Variants in MCTP1 observed in about 807,000 individuals in gnomAD.
The protein encoded by MCTP1 is multiple C2 and transmembrane domain-containing protein 1.
MCTP1 carries 69 observed loss-of-function variants against 120.6 expected under a neutral mutation model. The observed-to-expected ratio is 0.57, with a 90% CI of 0.47 to 0.70. The LOEUF is 0.70. Among genes scored for constraint, MCTP1 ranks in the 30% least tolerant of loss-of-function variants. The probability of loss-of-function intolerance (pLI) is 0.00; values close to 1 mark genes in which losing one functional copy is unlikely to be tolerated. For missense variants in MCTP1, 1,203 were observed against 1,248.8 expected (o/e 0.96, Z 0.55); for synonymous variants, 529 against 493.1 (o/e 1.07, Z -0.96).
At chr5:94,832,003 T>C (rs1309826411) in intron 17 of MCTP1, among the ~76,000 whole-genome samples, 2 of 152,194 alleles carry the variant, frequency 1.3e-5, no homozygotes, top group Non-Finnish European at 2.9e-5. Flanking sequence ...ACGGAATCCT[T>C]TACTGATCAA....
intron 1 of MCTP1, among the ~76,000 whole-genome samples, chr5:95,185,991 AAAACAAAC>A (rs778764193): frequency 5.3e-5 from 8 of 151,982 alleles, no homozygotes; most frequent in Non-Finnish European, 7.4e-5. Flanking sequence ...CTCCATCTCA[AAAACAAAC>A]AAACAAACAA....
intron 19 of MCTP1, among the ~76,000 whole-genome samples, chr5:94,725,410 C>T (rs1761908279): frequency 6.6e-6 from 1 of 152,172 alleles, no homozygotes; most frequent in Admixed American, 6.5e-5. Flanking sequence ...CTTGAGTGAG[C>T]TCAGAAACAC....
At chr5:95,065,574 G>GATT (rs1260861782) in intron 1 of MCTP1, among the ~76,000 whole-genome samples, 1 of 152,140 alleles carries the variant, frequency 6.6e-6, no homozygotes, top group African/African-American at 2.4e-5. Context: ...TTAATTTTAA[G>GATT]AAAATCTAGC....
intron 18 of MCTP1, 55 bp from the exon 19 acceptor site, chr5:94,779,218 C>G (rs376609421): frequency 1.4e-6 from 2 of 1,475,206 alleles, no homozygotes; most frequent in Non-Finnish European, 1.9e-6. Context: ...GAATTTTGTT[C>G]TGTCATTTTG....
chr5:94,987,937 A>G (rs1167187640), intron 2 of MCTP1, among the ~76,000 whole-genome samples: 1 of 152,146 alleles, frequency 6.6e-6, no homozygotes, highest in Non-Finnish European at 1.5e-5. Context: ...ATGTAATTAC[A>G]TCTCATCATC....
At position 94,705,062 on chromosome 5, in the gene MCTP1, G is replaced by A. The variant is rs1458600146; in HGVS notation, c.*2434C>T. ...ATTTACTCACTAAAAGATACTAAAG[G>A]AATATATTTAGTAGTTCACAATATC... is the stretch of plus-strand genomic sequence containing the variant. On this transcript the variant is annotated 3_prime_UTR_variant, in exon 23 of 23. Coordinates refer to ENST00000515393, the MANE Select transcript of MCTP1 (RefSeq NM_024717.7). The A allele has an allele frequency of 6.6e-6, 1 of 151,288 alleles. No homozygotes were observed. The highest frequency in any genetic ancestry group is 1.5e-5 in the Non-Finnish European group (1 of 67,582). 9.4% of individuals were successfully genotyped at this position (151,288 alleles called of 1,614,324 possible).
At chr5:95,012,720 A>C (rs1476321329) in intron 2 of MCTP1, among the ~76,000 whole-genome samples, 1 of 152,114 alleles carries the variant, frequency 6.6e-6, no homozygotes, top group Non-Finnish European at 1.5e-5. Context: ...CTGAGAAATT[A>C]ATCAGTGAAT....
At chr5:94,764,894 G>T (rs1389162864) in intron 19 of MCTP1, among the ~76,000 whole-genome samples, 1 of 149,110 alleles carries the variant, frequency 6.7e-6, no homozygotes, top group Non-Finnish European at 1.5e-5. Context: ...AGACCAAATG[G>T]ACCTAACAGA....
intron 17 of MCTP1, among the ~76,000 whole-genome samples, chr5:94,845,058 A>G (rs757758476): frequency 6.6e-6 from 1 of 152,248 alleles, no homozygotes; most frequent in South Asian, 2.1e-4. Context: ...ATGGTAGAAA[A>G]TATTTGCAAA....
intron 2 of MCTP1, among the ~76,000 whole-genome samples, chr5:94,997,936 A>T (rs1832933283): frequency 6.6e-6 from 1 of 152,184 alleles, no homozygotes; most frequent in Non-Finnish European, 1.5e-5. Flanking sequence ...ATACACACAT[A>T]CTGAGATAAC....
At chr5:94,900,473 C>T (rs971305835) in intron 10 of MCTP1, among the ~76,000 whole-genome samples, 5 of 152,242 alleles carry the variant, frequency 3.3e-5, no homozygotes, top group Non-Finnish European at 7.3e-5. Context: ...GTGTAATGTG[C>T]TCATTCTACC....
chr5:95,063,848 C>T (rs545914695), intron 1 of MCTP1, among the ~76,000 whole-genome samples: 1 of 152,138 alleles, frequency 6.6e-6, no homozygotes, highest in East Asian at 1.9e-4. Context: ...GAATATTTAC[C>T]CCTAGAGTCC....
rs148340198 is a variant in MCTP1, at chr5:94,746,776, A to G, written c.2611-31890T>C. On this transcript the variant is annotated intron_variant, in intron 19 of 22. Transcript: ENST00000515393. The stretch of plus-strand genomic sequence containing the variant: ...AAAACTTCAGTGGATCTCAATGCAC[A>G]TAAGAAACTGTCTACATTCCTTGCT... Among the ~76,000 whole-genome samples, 362 of 152,356 alleles carry G rather than the reference A, an allele frequency of 2.4e-3. 1 individual carries two copies. The highest frequency in any genetic ancestry group is 3.3e-3 in the Non-Finnish European group (224 of 68,038).
chr5:95,274,449 C>A (rs1759648183), intron 1 of MCTP1, among the ~76,000 whole-genome samples: 1 of 152,088 alleles, frequency 6.6e-6, no homozygotes, highest in Admixed American at 6.5e-5. Flanking sequence ...CCTGTGGGAC[C>A]CACCCCAACC....
chr5:94,788,854 C>T (rs1395262044), intron 18 of MCTP1: 1 of 152,106 alleles, frequency 6.6e-6, no homozygotes, highest in Non-Finnish European at 1.5e-5. Context: ...TGGTGAAGTC[C>T]TGGGGGCAGA....
At chr5:94,949,289 A>T (rs1208691767) in intron 3 of MCTP1, among the ~76,000 whole-genome samples, 1 of 152,152 alleles carries the variant, frequency 6.6e-6, no homozygotes, top group Non-Finnish European at 1.5e-5. Context: ...TGTCAAATTT[A>T]TCCTATTATC....
chr5:95,161,203 A>G (rs1208925964), intron 1 of MCTP1, among the ~76,000 whole-genome samples: 1 of 152,206 alleles, frequency 6.6e-6, no homozygotes, highest in East Asian at 1.9e-4. Context: ...GGTGTCCATC[A>G]TCAGATGCAC....
intron 5 of MCTP1, among the ~76,000 whole-genome samples, chr5:94,939,330 C>T (rs561151400): frequency 1.3e-5 from 2 of 151,980 alleles, no homozygotes; most frequent in African/African-American, 4.8e-5. Context: ...AAAATTATGT[C>T]TACTACTAAA....
At chr5:94,967,314 C>T (rs1238271737) in intron 2 of MCTP1, among the ~76,000 whole-genome samples, 3 of 152,170 alleles carry the variant, frequency 2.0e-5, no homozygotes, top group African/African-American at 7.2e-5. Context: ...CTATAGCTAA[C>T]ATTTATTGAA....
Sources: allele counts gnomAD v4.1 joint callset (sites outside exome capture counted in the v4.1 genomes callset), GRCh38; gene constraint gnomAD v4.1.1; transcripts MANE v1.5; gene names NCBI Gene and HGNC (gene_info 2026-07-23, HGNC 2026-07-21).